The following FHOD3 variants were observed in gnomAD, a reference collection of about 807,000 sequenced individuals.
The protein encoded by FHOD3 is formin homology 2 domain containing 3.
In FHOD3, 90 loss-of-function variants were observed where a neutral mutation model predicts 173.0. The ratio of observed to expected loss-of-function variants is 0.52; its 90% CI spans 0.44 to 0.62. FHOD3 has a LOEUF of 0.62. FHOD3 is among the 20% of genes least tolerant of loss of function. The probability of loss-of-function intolerance (pLI) is 0.00; values close to 1 mark genes in which losing one functional copy is unlikely to be tolerated. For synonymous variants in FHOD3, 828 were observed against 823.0 expected, an observed-to-expected ratio of 1.01 and a Z score of -0.10; for missense variants, 1,945 against 2,034.7, an observed-to-expected ratio of 0.96 and a Z score of 0.85.
rs939358931 is a variant in FHOD3 at position 36,701,775 on chromosome 18, C to T, written c.2237-7320C>T. ...AGTTCCACTGACGCTAAATTAAAAC[C>T]GTGATTGTCAAAACCATGGAGAAGT... On this transcript the variant is annotated intron_variant, in intron 17 of 28. Coordinates refer to ENST00000590592, the MANE Select transcript of FHOD3 (RefSeq NM_001281740.3). 3.9e-5 allele frequency among the ~76,000 whole-genome samples: 6 copies of T among 152,262 alleles called. No homozygotes were observed. The South Asian group carries it at 6.2e-4, about 16-fold the overall frequency.
intron 28 of FHOD3, among the ~76,000 whole-genome samples, chr18:36,772,164 T>C (rs2043415137): frequency 6.6e-6 from 1 of 152,260 alleles, no homozygotes. Flanking sequence ...CAAACACATT[T>C]TTCCTGTGAC....
At chr18:36,416,726 T>C (rs2049671654) in intron 3 of FHOD3, among the ~76,000 whole-genome samples, 1 of 152,182 alleles carries the variant, frequency 6.6e-6, no homozygotes, top group African/African-American at 2.4e-5. Flanking sequence ...CCTTCCTCCA[T>C]ATGCTTTGCA....
intron 18 of FHOD3, among the ~76,000 whole-genome samples, chr18:36,712,843 CAAAA>C (rs111496299): frequency 7.2e-6 from 1 of 139,696 alleles, no homozygotes; most frequent in Non-Finnish European, 1.6e-5. Context: ...AACTAAAGAC[CAAAA>C]AAAAAAAAAA....
chr18:36,611,717 C>A (rs1599867487), intron 8 of FHOD3, among the ~76,000 whole-genome samples: 1 of 152,200 alleles, frequency 6.6e-6, no homozygotes, highest in African/African-American at 2.4e-5. Context: ...GAGTGCCCAG[C>A]CCACACTCAA....
chr18:36,653,526 A>G, intron 13 of FHOD3, 110 bp downstream of exon 13: 4 of 805,298 alleles, frequency 5.0e-6, no homozygotes, highest in Non-Finnish European at 7.8e-6. Context: ...GTGACACACA[A>G]TTACAGTTTG....
chr18:36,694,189 A>G (rs1037861165), intron 17 of FHOD3, among the ~76,000 whole-genome samples: 1 of 152,212 alleles, frequency 6.6e-6, no homozygotes, highest in African/African-American at 2.4e-5. Flanking sequence ...TGCTTTAGTC[A>G]AGTGTTATGG....
intron 17 of FHOD3, among the ~76,000 whole-genome samples, chr18:36,708,396 C>G (rs1187558801): frequency 6.6e-6 from 1 of 152,210 alleles, no homozygotes; most frequent in African/African-American, 2.4e-5. Flanking sequence ...TTCTCTTTCC[C>G]TAAACAGGCA....
At chr18:36,565,082 G>A (rs779080933) in intron 5 of FHOD3, among the ~76,000 whole-genome samples, 8 of 152,040 alleles carry the variant, frequency 5.3e-5, no homozygotes, top group Non-Finnish European at 7.4e-5. Flanking sequence ...AAACTGGACC[G>A]GAGCTTGTTA....
intron 4 of FHOD3, among the ~76,000 whole-genome samples, chr18:36,502,855 T>C (rs1169509692): frequency 2.6e-5 from 4 of 152,232 alleles, no homozygotes; most frequent in African/African-American, 9.6e-5. Context: ...ATGAACTGTA[T>C]ACATATGTGA....
At chr18:36,730,835 A>T (rs1219627438) in intron 20 of FHOD3, 31 bp downstream of exon 20, 1 of 1,605,428 alleles carries the variant, frequency 6.2e-7, no homozygotes, top group Admixed American at 1.7e-5. Flanking sequence ...CATTATTTGT[A>T]TTTTATCTTA....
chr18:36,777,206 T>G (rs955114848), intron 28 of FHOD3, among the ~76,000 whole-genome samples: 1 of 146,604 alleles, frequency 6.8e-6, no homozygotes. Context: ...TTCTTTTTTT[T>G]TTTTTTTTTT....
At chr18:36,687,647 G>A (rs1382524598) in intron 16 of FHOD3, among the ~76,000 whole-genome samples, 1 of 152,128 alleles carries the variant, frequency 6.6e-6, no homozygotes, top group African/African-American at 2.4e-5. Flanking sequence ...TCAGCTCCTC[G>A]ATGGCAGGAA....
At position 36,714,213 on chromosome 18, in the gene FHOD3, GA is replaced by G. The variant is rs756347487; in HGVS notation, c.2534-3617del. Among the ~76,000 whole-genome samples the G allele has an allele frequency of 3.5e-4, 54 of 152,262 alleles. 1 individual carries two copies. In the Middle Eastern group the frequency reaches 0.02, roughly 58 times the overall value. ...AAAAGGAGTCATAAATTAATGAAGA[GA>G]ATAAGCAAGAAAACTGGCATTTTAA... On this transcript the variant is annotated intron_variant, in intron 18 of 28. Coordinates refer to ENST00000590592, the MANE Select transcript of FHOD3 (RefSeq NM_001281740.3).
chr18:36,387,198 G>A lies in FHOD3; in HGVS notation c.337+14454G>A, dbSNP rs143078505. 2.5e-4 allele frequency among the ~76,000 whole-genome samples: 38 copies of A among 152,226 alleles called. No homozygotes were observed. In the East Asian group the frequency reaches 6.2e-3, roughly 25 times the overall value. On this transcript the variant is annotated intron_variant, in intron 3 of 28. Coordinates refer to ENST00000590592, the MANE Select transcript of FHOD3 (RefSeq NM_001281740.3). ...GGGGTGTCCTGCTTGAGGGGAGATG[G>A]TGGGTTAGGGAGAAGCAGCATTCTA...
intron 6 of FHOD3, 46 bp downstream of exon 6, chr18:36,576,591 C>G (rs746710831): frequency 6.9e-7 from 1 of 1,443,462 alleles, no homozygotes; most frequent in Admixed American, 2.0e-5. Context: ...TGTCATATCA[C>G]TTGCCTTTCT....
intron 24 of FHOD3, among the ~76,000 whole-genome samples, chr18:36,752,429 T>C (rs1275640903): frequency 6.6e-6 from 1 of 152,178 alleles, no homozygotes; most frequent in Non-Finnish European, 1.5e-5. Flanking sequence ...AAGAGTCAGA[T>C]GATGGAACAA....
rs190397728 is a variant in FHOD3 at position 36,342,379 on chromosome 18, T to C, written c.166-13160T>C. Among the ~76,000 whole-genome samples, 261 of 152,066 alleles carry C rather than the reference T, an allele frequency of 1.7e-3. 2 individuals are homozygous for C. Among genetic ancestry groups the C allele is most frequent in the African/African-American group, 6.0e-3 (251 of 41,506 alleles). On this transcript the variant is annotated intron_variant, in intron 1 of 28. Coordinates refer to ENST00000590592, the MANE Select transcript of FHOD3 (RefSeq NM_001281740.3). ...TTCAAGAAGTGCTGTGAATACTAGA[T>C]AGGATAATTACAAGGTAATCTGCAT...
At chr18:36,600,862 C>A (rs1366758194) in intron 7 of FHOD3, among the ~76,000 whole-genome samples, 1 of 152,204 alleles carries the variant, frequency 6.6e-6, no homozygotes, top group African/African-American at 2.4e-5. Flanking sequence ...AGTTTCGATA[C>A]TTTCTCCCCT....
intron 5 of FHOD3, among the ~76,000 whole-genome samples, chr18:36,528,108 C>G (rs1211839058): frequency 6.6e-6 from 1 of 152,158 alleles, no homozygotes; most frequent in Admixed American, 6.5e-5. Flanking sequence ...TCTTACAGTG[C>G]CTGGTGCATG....
Sources: allele counts gnomAD v4.1 joint callset (sites outside exome capture counted in the v4.1 genomes callset), GRCh38; gene constraint gnomAD v4.1.1; transcripts MANE v1.5; gene names NCBI Gene and HGNC (gene_info 2026-07-23, HGNC 2026-07-21).